The following SORBS2 variants were observed in gnomAD, a reference collection of about 807,000 sequenced individuals.
SORBS2 encodes the protein sorbin and SH3 domain-containing protein 2.
Under a neutral mutation model 97.7 loss-of-function variants are expected in SORBS2, and 46 were observed. The observed-to-expected ratio is 0.47, with a 90% confidence interval of 0.37 to 0.60. The LOEUF (loss-of-function observed/expected upper bound fraction) is 0.60, where lower values mean the gene tolerates loss of function less well. SORBS2 is among the 20% of genes least tolerant of loss of function. The pLI is 0.00. For missense variants in SORBS2, 1,316 were observed against 1,282.3 expected, an observed-to-expected ratio of 1.03 and a Z score of -0.40; for synonymous variants, 476 against 473.4, an observed-to-expected ratio of 1.01 and a Z score of -0.07.
chr4:185,925,098 AGCTT>A (rs2099262965), intron 1 of SORBS2, among the ~76,000 whole-genome samples: 1 of 152,250 alleles, frequency 6.6e-6, no homozygotes, highest in African/African-American at 2.4e-5. Flanking sequence ...ACACAAAAAC[AGCTT>A]GCCATGATAT....
intron 11 of SORBS2, among the ~76,000 whole-genome samples, chr4:185,614,159 GTTT>G (rs34929054): frequency 0.17 from 14,977 of 90,508 alleles, 271 homozygotes; most frequent in Middle Eastern, 0.21. Context: ...GTTTTTTTGT[GTTT>G]TTTTTTTTTT....
At chr4:185,711,649 C>T (rs923463112) in intron 2 of SORBS2, among the ~76,000 whole-genome samples, 1 of 152,186 alleles carries the variant, frequency 6.6e-6, no homozygotes, top group Non-Finnish European at 1.5e-5. Flanking sequence ...ACATCCTTCC[C>T]CATCCAAATT....
chr4:185,715,547 T>C (rs1254391935), intron 2 of SORBS2, among the ~76,000 whole-genome samples: 2 of 152,056 alleles, frequency 1.3e-5, no homozygotes, highest in Non-Finnish European at 2.9e-5. Flanking sequence ...CTGGTAAAGT[T>C]AACTCTATTT....
intron 2 of SORBS2, chr4:185,772,176 G>C (rs140077039): frequency 6.6e-5 from 10 of 151,958 alleles, no homozygotes; most frequent in African/African-American, 2.2e-4. Flanking sequence ...CTACTACCCC[G>C]ACCCAGAAAA....
At chr4:185,784,278 C>T (rs986403034) in intron 1 of SORBS2, among the ~76,000 whole-genome samples, 45 of 152,118 alleles carry the variant, frequency 3.0e-4, no homozygotes, top group Admixed American at 5.2e-4. Flanking sequence ...ACTACAGGCA[C>T]CTGCCACCAC....
At chr4:185,588,587 T>TCTCCTTCCTCCTCCTCCTCCCTCCTCCGC (rs138160304) in intron 14 of SORBS2, among the ~76,000 whole-genome samples, 1 of 122,860 alleles carries the variant, frequency 8.1e-6, no homozygotes, top group African/African-American at 2.7e-5. Context: ...ATTTTACGTT[T>TCTCCTTCCTCCTCCTCCTCCCTCCTCCGC]CTCCTCCCTC....
chr4:185,697,694 C>G (rs1582962675), intron 2 of SORBS2, among the ~76,000 whole-genome samples: 1 of 152,158 alleles, frequency 6.6e-6, no homozygotes, highest in Non-Finnish European at 1.5e-5. Flanking sequence ...TGTCACATAA[C>G]AAATTGTGTG....
At chr4:185,587,549 A>G in exon 15 of SORBS2, 1 of 1,256,986 alleles carries the variant, frequency 8.0e-7, no homozygotes, top group Non-Finnish European at 1.2e-6. Context: ...TGACAACGGG[A>G]GGCCCGCGGG....
chr4:185,766,421 T>C (rs1341625330), intron 2 of SORBS2, among the ~76,000 whole-genome samples: 4 of 152,224 alleles, frequency 2.6e-5, no homozygotes, highest in Non-Finnish European at 5.9e-5. Context: ...TAAAAGTGAA[T>C]ACTCTTATGG....
intron 1 of SORBS2, among the ~76,000 whole-genome samples, chr4:185,921,504 C>T (rs2099260909): frequency 6.6e-6 from 1 of 150,568 alleles, no homozygotes; most frequent in South Asian, 2.1e-4. Context: ...TGTCACACAA[C>T]AAAATATGGA....
intron 2 of SORBS2, among the ~76,000 whole-genome samples, chr4:185,681,400 A>T (rs1008097127): frequency 1.7e-4 from 24 of 144,914 alleles, no homozygotes; most frequent in Admixed American, 5.4e-4. Context: ...AATATAGGTT[A>T]GAAAAAAAAA....
intron 1 of SORBS2, among the ~76,000 whole-genome samples, chr4:185,897,720 C>T (rs75872802): frequency 0.073 from 11,162 of 152,154 alleles, 543 homozygotes; most frequent in Non-Finnish European, 0.1. Context: ...AGGTTCAAAC[C>T]AGCACGAGAG....
chr4:185,786,221 A>C (rs1399887564), intron 1 of SORBS2, among the ~76,000 whole-genome samples: 1 of 152,210 alleles, frequency 6.6e-6, no homozygotes, highest in Admixed American at 6.5e-5. Context: ...GAAAATCCCC[A>C]TATCTGAGCT....
At chr4:185,884,905 T>C (rs2099238622) in intron 1 of SORBS2, among the ~76,000 whole-genome samples, 1 of 152,196 alleles carries the variant, frequency 6.6e-6, no homozygotes, top group Non-Finnish European at 1.5e-5. Flanking sequence ...CAAGTTACAG[T>C]CATACTGCTG....
intron 2 of SORBS2, among the ~76,000 whole-genome samples, chr4:185,721,139 G>T (rs2098510903): frequency 7.8e-6 from 1 of 128,852 alleles, no homozygotes; most frequent in Admixed American, 9.5e-5. Context: ...CCCTGGCTGT[G>T]ATCTGGCTCA....
Position 185,607,586 on chromosome 4 carries a change from A to C in SORBS2, c.2796+4194T>G, listed in dbSNP as rs2096454735. Among the ~76,000 whole-genome samples, 1 of 152,224 alleles carries C rather than the reference A, an allele frequency of 6.6e-6. No homozygotes were observed. Among genetic ancestry groups the C allele is most frequent in the African/African-American group, 2.4e-5 (1 of 41,456 alleles). On this transcript the variant is annotated intron_variant, in intron 12 of 14. Transcript: ENST00000418609. This position sits in a 1 kb window ranked among gnomAD's most constrained non-coding sequence, Gnocchi z 5.2. ...AATTAGAAAAGTTACTTCACAAATG[A>C]AACTCTACTAGTTTTGGAAGGGGTC...
intron 1 of SORBS2, among the ~76,000 whole-genome samples, chr4:185,947,119 C>T (rs7437509): frequency 6.6e-6 from 1 of 152,144 alleles, no homozygotes; most frequent in African/African-American, 2.4e-5. Context: ...TAGCTTTCCC[C>T]CTTTCAGTTT....
chr4:185,635,606 A>G (rs1369098720), intron 4 of SORBS2, among the ~76,000 whole-genome samples, 195 bp from the exon 16 acceptor site: 4 of 152,218 alleles, frequency 2.6e-5, no homozygotes. Context: ...GTCTGCAAAT[A>G]TTCTCAAGCA....
At chr4:185,701,029 A>G (rs761667852) in intron 2 of SORBS2, among the ~76,000 whole-genome samples, 7 of 152,184 alleles carry the variant, frequency 4.6e-5, no homozygotes, top group Non-Finnish European at 1.0e-4. Flanking sequence ...TAATACTCTA[A>G]CTTATTTGAC....
Sources: gnomAD v4.1 joint callset for allele counts (sites outside exome capture counted in the v4.1 genomes callset) on GRCh38, gnomAD v4.1.1 for gene constraint, Gnocchi (gnomAD v3.1) non-coding constraint, MANE v1.5 for transcripts, NCBI Gene and HGNC (gene_info 2026-07-23, HGNC 2026-07-21) for gene names.